MYH8: variants seen among roughly 807,000 people sequenced by gnomAD.
MYH8 encodes myosin-8.
A neutral mutation model predicts 233.2 loss-of-function variants in MYH8; 168 were observed. The ratio of observed to expected loss-of-function variants is 0.72; its 90% confidence interval spans 0.64 to 0.82. The LOEUF (loss-of-function observed/expected upper bound fraction) is 0.82, where lower values mean the gene tolerates loss of function less well. MYH8 is among the 40% of genes least tolerant of loss of function. The pLI, the probability that MYH8 is intolerant of heterozygous loss-of-function variation, is 0.00. For synonymous variants in MYH8, 785 were observed against 850.6 expected (o/e 0.92, Z 1.34); for missense variants, 1,995 against 2,327.8 (o/e 0.86, Z 2.94).
chr17:10,397,114 C>T (rs1567682460), intron 30 of MYH8, 128 bp from the exon 31 acceptor site: 6 of 1,167,906 alleles, frequency 5.1e-6, no homozygotes, highest in Middle Eastern at 2.1e-4. Context: ...GACGGAGTCT[C>T]GCTCTGTCGC....
chr17:10,401,306 G>C lies in MYH8; in HGVS notation c.3077C>G (p.Ala1026Gly), dbSNP rs755347864. The change falls in exon 24 of 40, where the codon GCT becomes GGT. Residue 1026 changes from alanine (A) to glycine (G), a missense_variant. Physicochemically the swap from Ala to Gly is moderately conservative, Grantham distance 60. This residue lies in a region of MYH8 where 1,498 missense variants were observed against 1,680.9 expected (regional missense o/e 0.89). Coordinates refer to ENST00000403437, the MANE Select transcript of MYH8 (RefSeq NM_002472.3). ...EEDKVNILTK[A>G]KTKLEQQVDD... is the part of the protein sequence containing the mutation. ...CACTTGCTGTTCTAGCTTGGTTTTA[G>C]CTTTGGTCAGGATGTTGACTTTGTC... 1 of 1,613,990 alleles carries C rather than the reference G, an allele frequency of 6.2e-7. No homozygotes were observed. Among genetic ancestry groups the C allele is most frequent in the Non-Finnish European group, 8.5e-7 (1 of 1,180,038 alleles).
intron 22 of MYH8, among the ~76,000 whole-genome samples, 178 bp downstream of exon 22, chr17:10,404,152 T>C (rs1475089683): frequency 1.3e-5 from 2 of 152,208 alleles, no homozygotes; most frequent in Non-Finnish European, 2.9e-5. Context: ...CCTTTTCCCA[T>C]TGTAACTTGG....
chr17:10,395,360 T>C lies in MYH8; in HGVS notation c.4735A>G (p.Ile1579Val). 6.2e-7 allele frequency: 1 copy of C among 1,614,220 alleles called. No homozygotes were observed. Among genetic ancestry groups the C allele is most frequent in the Non-Finnish European group, 8.5e-7 (1 of 1,180,038 alleles). The change falls in exon 34 of 40, where the codon ATC (isoleucine) becomes GTC (valine). Residue 1579 changes from isoleucine (I) to valine (V), a missense_variant. Ile to Val is a conservative substitution (Grantham distance 29, BLOSUM62 3). Around this residue, in one of 3 missense-constraint regions of MYH8, gnomAD observed 1,498 missense variants for 1,680.9 expected, o/e 0.89. Transcript: ENST00000403437. ...NQVKSEVDRK[I>V]AEKDEEIDQL... ...TCAATTTCCTCATCCTTTTCTGCGA[T>C]TTTTCTATCAACTTCAGACTTGACT...
At chr17:10,394,163 A>G in intron 35 of MYH8, 86 bp downstream of exon 35, 9 of 1,542,732 alleles carry the variant, frequency 5.8e-6, no homozygotes, top group Non-Finnish European at 7.2e-6. Context: ...ACATACACAT[A>G]TTTATACAAA....
At chr17:10,409,230 A>G in intron 16 of MYH8, 49 bp downstream of exon 16, 1 of 1,613,532 alleles carries the variant, frequency 6.2e-7, no homozygotes, top group South Asian at 1.1e-5. Flanking sequence ...CATGTATTAT[A>G]ACATTATGTG....
At chr17:10,412,803 A>G in intron 12 of MYH8, 75 bp from the exon 13 acceptor site, 2 of 1,270,014 alleles carry the variant, frequency 1.6e-6, no homozygotes, top group South Asian at 2.4e-5. Context: ...ATTTTTCTCC[A>G]ATTCAATCTA....
chr17:10,390,906 G>A (rs1488180225), intron 39 of MYH8, among the ~76,000 whole-genome samples: 3 of 152,144 alleles, frequency 2.0e-5, no homozygotes, highest in African/African-American at 7.2e-5. Flanking sequence ...GTAAATGTAA[G>A]GCCAAATTAT....
At chr17:10,410,411 G>A (rs1387113205) in intron 15 of MYH8, among the ~76,000 whole-genome samples, 3 of 152,238 alleles carry the variant, frequency 2.0e-5, no homozygotes, top group Non-Finnish European at 2.9e-5. Flanking sequence ...TGTGTCATGT[G>A]TGCATTAATT....
At position 10,414,215 on chromosome 17, in the gene MYH8, G is replaced by C. The variant is rs780695842; in HGVS notation, c.985C>G (p.Gln329Glu). ...GEITVPSIDD[Q>E]EELMATDSAI... ...ACATCAGTGGCCATCAACTCTTCTTGGTCATCAATACTGGGAACTGTGATC... is the reference window on the plus strand; with the variant it reads ...ACATCAGTGGCCATCAACTCTTCTTCGTCATCAATACTGGGAACTGTGATC... The change falls in exon 11 of 40, where the codon CAA becomes GAA. Residue 329 changes from glutamine to glutamate, a missense_variant. Gln to Glu is a conservative substitution (Grantham distance 29). Around this residue, in one of 3 missense-constraint regions of MYH8, gnomAD observed 479 missense variants for 600.9 expected, o/e 0.80. Transcript: ENST00000403437. 1 of 1,614,068 alleles carries C rather than the reference G, an allele frequency of 6.2e-7. No homozygotes were observed. Among genetic ancestry groups the C allele is most frequent in the Non-Finnish European group, 8.5e-7 (1 of 1,179,974 alleles).
Position 10,395,174 on chromosome 17 carries a change from C to T in MYH8, c.4921G>A (p.Glu1641Lys). 6.2e-7 allele frequency: 1 copy of T among 1,614,060 alleles called. No individual in the cohort carries two copies. The highest frequency in any genetic ancestry group is 8.5e-7 in the Non-Finnish European group (1 of 1,180,038). Residue 1641 changes from glutamate to lysine, a missense_variant, in exon 34 of 40, where the codon GAG becomes AAG. Physicochemically the swap from Glu to Lys is moderately conservative, Grantham distance 56. Coordinates refer to ENST00000403437, the MANE Select transcript of MYH8 (RefSeq NM_002472.3). Reference sequence around the variant, plus strand: ...GTGTTCCTGTAGTTCCTTAAACTCTCTGCAGCTAAGCGATTGGCATGGTTC... The same window carrying T: ...GTGTTCCTGTAGTTCCTTAAACTCTTTGCAGCTAAGCGATTGGCATGGTTC... ...QLNHANRLAAESLRNYRNTQG... is the reference protein window; with the variant it reads ...QLNHANRLAAKSLRNYRNTQG...
chr17:10,413,594 G>A (rs1302375866), intron 12 of MYH8, among the ~76,000 whole-genome samples: 1 of 152,126 alleles, frequency 6.6e-6, no homozygotes, highest in Non-Finnish European at 1.5e-5. Flanking sequence ...GCAGTCTACA[G>A]TTATCTACAT....
At chr17:10,399,015 T>TAC (rs2072108057) in intron 28 of MYH8, 129 bp from the exon 29 acceptor site, 1 of 289,100 alleles carries the variant, frequency 3.5e-6, no homozygotes, top group African/African-American at 2.3e-5. Flanking sequence ...TATATATATA[T>TAC]ATACAAGTTG....
At chr17:10,420,598 CATA>C (rs748672856) in intron 2 of MYH8, among the ~76,000 whole-genome samples, 10 of 152,174 alleles carry the variant, frequency 6.6e-5, no homozygotes, top group Non-Finnish European at 1.2e-4. Context: ...CCTCTTTCTG[CATA>C]ATGTTTGTCT....
At chr17:10,413,315 T>C (rs1413588788) in intron 12 of MYH8, among the ~76,000 whole-genome samples, 1 of 152,182 alleles carries the variant, frequency 6.6e-6, no homozygotes, top group Non-Finnish European at 1.5e-5. Context: ...CAATTCGAGG[T>C]GGTCAGGAAA....
rs776476396 is a variant in MYH8 at position 10,395,307 on chromosome 17, G to A, written c.4788C>T (p.Val1596=). The change falls in exon 34 of 40, where the codon GTC becomes GTT. Residue 1596 remains valine, a synonymous_variant. Transcript: ENST00000403437. ...IDQLKRNHTR[V]VETMQSTLDA... is the part of the protein sequence containing the mutation. ...CCAGCGTGCTCTGCATTGTCTCCACGACTCTAGTGTGGTTTCTCTTCAGCT... is the reference window on the plus strand; with the variant it reads ...CCAGCGTGCTCTGCATTGTCTCCACAACTCTAGTGTGGTTTCTCTTCAGCT... The A allele has an allele frequency of 2.7e-5, 44 of 1,613,994 alleles. No individual in the cohort carries two copies. Among genetic ancestry groups the A allele is most frequent in the Non-Finnish European group, 3.5e-5 (41 of 1,180,028 alleles).
chr17:10,419,993 G>T lies in MYH8; in HGVS notation c.210+25C>A, dbSNP rs1457317605. 1 of 1,608,312 alleles carries T rather than the reference G, an allele frequency of 6.2e-7. No homozygotes were observed. Among genetic ancestry groups the T allele is most frequent in the Non-Finnish European group, 8.5e-7 (1 of 1,174,934 alleles). On this transcript the variant is annotated intron_variant, in intron 3 of 39. Transcript: ENST00000403437. This position sits in a 1 kb window ranked among gnomAD's most constrained non-coding sequence, Gnocchi z 4.0. ...TTTGAACCAAGAAATAAAATGGGGAGTATTTTCTCCCTGTTTTCACTTACT... is the reference window on the plus strand; with the variant it reads ...TTTGAACCAAGAAATAAAATGGGGATTATTTTCTCCCTGTTTTCACTTACT...
chr17:10,406,565 T>C, intron 19 of MYH8, 125 bp downstream of exon 19: 1 of 1,345,424 alleles, frequency 7.4e-7, no homozygotes, highest in Non-Finnish European at 1.1e-6. Context: ...GTTGCATGCC[T>C]GCTTCCTGTT....
At position 10,391,904 on chromosome 17, in the gene MYH8, T is replaced by A; in HGVS notation, c.5642A>T (p.Tyr1881Phe). 6.2e-7 allele frequency: 1 copy of A among 1,614,136 alleles called. No homozygotes were observed. Among genetic ancestry groups the A allele is most frequent in the South Asian group, 1.1e-5 (1 of 91,084 alleles). ...TACAGCCTCCTCAGCTTGTCTCTTG[T>A]ATGATTTCACCTTCGCCTGTAATTT... The part of the protein sequence containing the change: ...VDKLQAKVKS[Y>F]KRQAEEAEEQ... The change falls in exon 39 of 40, where the codon TAC becomes TTC. Residue 1881 changes from tyrosine (Y) to phenylalanine (F), a missense_variant. Around this residue, in one of 3 missense-constraint regions of MYH8, gnomAD observed 1,498 missense variants for 1,680.9 expected, o/e 0.89. Coordinates refer to ENST00000403437, the MANE Select transcript of MYH8 (RefSeq NM_002472.3).
chr17:10,409,939 C>A (rs1291163111), intron 15 of MYH8, among the ~76,000 whole-genome samples: 2 of 152,184 alleles, frequency 1.3e-5, no homozygotes, highest in African/African-American at 4.8e-5. Context: ...ATGATGTTGA[C>A]TCTATGCAGT....
Sources: allele counts gnomAD v4.1 joint callset (sites outside exome capture counted in the v4.1 genomes callset), GRCh38; gene constraint gnomAD v4.1.1; regional missense constraint gnomAD v4.1.1; non-coding constraint Gnocchi (gnomAD v3.1); transcripts MANE v1.5; gene names NCBI Gene and HGNC (gene_info 2026-07-23, HGNC 2026-07-21).